Variants in GPC6 observed in about 807,000 individuals in gnomAD.
GPC6 encodes the protein glypican 6.
In GPC6, 14 loss-of-function variants were observed where a neutral mutation model predicts 55.2. The ratio of observed to expected loss-of-function variants is 0.25; its 90% CI spans 0.17 to 0.40. GPC6 has a LOEUF of 0.40. Among genes scored for constraint, GPC6 ranks in the 10% least tolerant of loss-of-function variants. The probability of loss-of-function intolerance (pLI) is 1.00; values close to 1 mark genes in which losing one functional copy is unlikely to be tolerated. For missense variants in GPC6, 641 were observed against 708.5 expected (o/e 0.90, Z 1.08); for synonymous variants, 278 against 259.6 (o/e 1.07, Z -0.68).
intron 3 of GPC6, among the ~76,000 whole-genome samples, chr13:93,987,753 T>A (rs1881097292): frequency 6.6e-6 from 1 of 152,188 alleles, no homozygotes; most frequent in Non-Finnish European, 1.5e-5. Flanking sequence ...TTGAAAGCTC[T>A]GTCAAGAGAA....
intron 3 of GPC6, among the ~76,000 whole-genome samples, chr13:93,847,307 C>T (rs960764975): frequency 4.6e-5 from 7 of 151,954 alleles, no homozygotes; most frequent in African/African-American, 9.7e-5. Context: ...CAGCAGTAAA[C>T]GAAATAAATA....
intron 1 of GPC6, among the ~76,000 whole-genome samples, chr13:93,425,135 A>G (rs568084126): frequency 5.3e-5 from 8 of 152,334 alleles, no homozygotes; most frequent in South Asian, 4.1e-4. Context: ...AATATTTTAA[A>G]ATGAAAATTA....
intron 4 of GPC6, among the ~76,000 whole-genome samples, chr13:94,093,163 G>A (rs2138814793): frequency 6.6e-6 from 1 of 151,884 alleles, no homozygotes; most frequent in Admixed American, 6.6e-5. Flanking sequence ...TCATCTTTTG[G>A]TGTCATATTC....
chr13:93,470,399 C>A (rs1331542095), intron 1 of GPC6, among the ~76,000 whole-genome samples: 1 of 152,062 alleles, frequency 6.6e-6, no homozygotes, highest in Admixed American at 6.6e-5. Context: ...TCTTTTCGGA[C>A]TGTTAATATA....
At chr13:93,988,116 C>T (rs1017208950) in intron 3 of GPC6, among the ~76,000 whole-genome samples, 1 of 152,170 alleles carries the variant, frequency 6.6e-6, no homozygotes, top group African/African-American at 2.4e-5. Context: ...TTTTTAAAGA[C>T]ACAGATCCTC....
rs563811413 is a variant in GPC6 at position 94,184,999 on chromosome 13, G to A, written c.878-101350G>A. Among the ~76,000 whole-genome samples, 62 of 152,246 alleles carry A rather than the reference G, an allele frequency of 4.1e-4. No individual in the cohort carries two copies. The South Asian group carries it at 4.4e-3, about 11-fold the overall frequency. ...AAATCATGTCCTTTGCAGCAACACA[G>A]ATGGAGGTGGAGGACATAATCCAAA... On this transcript the variant is annotated intron_variant, in intron 4 of 8. Transcript: ENST00000377047.
intron 4 of GPC6, among the ~76,000 whole-genome samples, chr13:94,115,513 G>A (rs915267876): frequency 3.3e-5 from 5 of 151,950 alleles, no homozygotes; most frequent in East Asian, 1.9e-4. Flanking sequence ...TTCATTTTAC[G>A]TAGTCACAGA....
intron 1 of GPC6, among the ~76,000 whole-genome samples, chr13:93,479,004 G>A (rs936973771): frequency 6.6e-6 from 1 of 152,184 alleles, no homozygotes; most frequent in Non-Finnish European, 1.5e-5. Flanking sequence ...TGTAGCCTAA[G>A]CTACTGGAGT....
chr13:93,624,555 A>G (rs1879113255), intron 2 of GPC6, among the ~76,000 whole-genome samples: 2 of 152,350 alleles, frequency 1.3e-5, no homozygotes, highest in East Asian at 3.9e-4. Flanking sequence ...GTTTTCCTCT[A>G]AAAGTGCAAA....
In GPC6 at chr13:93,473,316, A is replaced by C. The variant is rs527396719; in HGVS notation, c.161-71947A>C. ...TCCCCCACCCACTCTTTGGTGCCCA[A>C]AGTATGGAGCAGGCCAGGGTGCAGG... On this transcript the variant is annotated intron_variant, in intron 1 of 8. Coordinates refer to ENST00000377047, the MANE Select transcript of GPC6 (RefSeq NM_005708.5). Among the ~76,000 whole-genome samples, 26 of 152,288 alleles carry C rather than the reference A, an allele frequency of 1.7e-4. No individual in the cohort carries two copies. In the South Asian group the frequency reaches 5.4e-3, roughly 32 times the overall value.
chr13:93,422,540 T>C (rs1876960084), intron 1 of GPC6, among the ~76,000 whole-genome samples: 1 of 152,230 alleles, frequency 6.6e-6, no homozygotes, highest in African/African-American at 2.4e-5. Flanking sequence ...ACCTACAATC[T>C]ATTGAGGTAA....
chr13:93,397,045 C>A (rs1875884328), intron 1 of GPC6, among the ~76,000 whole-genome samples: 1 of 152,098 alleles, frequency 6.6e-6, no homozygotes, highest in African/African-American at 2.4e-5. Flanking sequence ...TTGTTTCCAA[C>A]CTTTGACTAT....
rs142630609 is a variant in GPC6 at position 94,139,097 on chromosome 13, T to C, written c.877+111203T>C. ...GTTAGCTGGGGGAAAAAAAAAAGCATGATGCATTTGCTGGAGAGGGTGATA... is the reference window on the plus strand; with the variant it reads ...GTTAGCTGGGGGAAAAAAAAAAGCACGATGCATTTGCTGGAGAGGGTGATA... On this transcript the variant is annotated intron_variant, in intron 4 of 8. Transcript: ENST00000377047. Among the ~76,000 whole-genome samples, 897 of 150,616 alleles carry C rather than the reference T, an allele frequency of 6.0e-3. 4 individuals carry two copies. The highest frequency in any genetic ancestry group is 7.0e-3 in the Middle Eastern group (2 of 286).
intron 4 of GPC6, among the ~76,000 whole-genome samples, chr13:94,249,867 G>T (rs142510816): frequency 6.6e-6 from 1 of 152,120 alleles, no homozygotes; most frequent in Non-Finnish European, 1.5e-5. Context: ...GTTGCAATTT[G>T]CACCTCAAGG....
At chr13:93,940,211 C>T (rs1239845049) in intron 3 of GPC6, among the ~76,000 whole-genome samples, 1 of 152,002 alleles carries the variant, frequency 6.6e-6, no homozygotes, top group East Asian at 1.9e-4. Flanking sequence ...CCTTTTAATG[C>T]ACTGTTTTTA....
At chr13:93,802,404 CTT>C (rs35117038) in intron 2 of GPC6, among the ~76,000 whole-genome samples, 50,004 of 147,908 alleles carry the variant, frequency 0.34, 8,688 homozygotes, top group African/African-American at 0.45. Flanking sequence ...AAAAAAAGTA[CTT>C]TTTTTTTTTT....
intron 4 of GPC6, among the ~76,000 whole-genome samples, chr13:94,108,774 G>A (rs941366219): frequency 3.3e-5 from 5 of 151,774 alleles, no homozygotes; most frequent in African/African-American, 9.7e-5. Context: ...CCTGGGAGGT[G>A]GAGGTTGCAG....
At chr13:94,315,212 A>G (rs1170306982) in intron 6 of GPC6, among the ~76,000 whole-genome samples, 1 of 152,168 alleles carries the variant, frequency 6.6e-6, no homozygotes. Context: ...AATTTGTTGG[A>G]AGTTGGTTTG....
chr13:94,121,295 A>G (rs1480580301), intron 4 of GPC6, among the ~76,000 whole-genome samples: 1 of 152,128 alleles, frequency 6.6e-6, no homozygotes, highest in East Asian at 1.9e-4. Context: ...AGGAATAAAG[A>G]CGGTTGGCAT....
Sources: gnomAD v4.1 joint callset for allele counts (sites outside exome capture counted in the v4.1 genomes callset) on GRCh38, gnomAD v4.1.1 for gene constraint, MANE v1.5 for transcripts, NCBI Gene and HGNC (gene_info 2026-07-23, HGNC 2026-07-21) for gene names.